Variants in RAB23 observed in about 807,000 individuals in gnomAD.
RAB23 encodes ras-related protein Rab-23.
In RAB23, 15 loss-of-function variants were observed where a neutral mutation model predicts 30.0. The ratio of observed to expected loss-of-function variants is 0.50; its 90% CI spans 0.33 to 0.77. The LOEUF (loss-of-function observed/expected upper bound fraction) is 0.77. RAB23 is among the 30% of genes least tolerant of loss of function. The probability of loss-of-function intolerance (pLI) is 0.02; values close to 1 mark genes in which losing one functional copy is unlikely to be tolerated. For synonymous variants in RAB23, 93 were observed against 94.0 expected (o/e 0.99, Z 0.06); for missense variants, 243 against 275.4 (o/e 0.88, Z 0.83).
rs201731610 is a variant in RAB23 at position 57,193,864 on chromosome 6, C to G, written c.552G>C (p.Thr184=). ...TACCAATCTTGTTACTACTTGAATG[C>G]GTTAGTTCTGGATCCTCAGCTATTT... is the stretch of plus-strand genomic sequence containing the variant. ...KQQIAEDPEL[T]HSSSNKIGVF... The change falls in exon 6 of 7, where the codon ACG becomes ACC. Residue 184 remains threonine, a synonymous_variant. Coordinates refer to ENST00000468148, the MANE Select transcript of RAB23 (RefSeq NM_016277.5). The G allele has an allele frequency of 6.8e-6, 11 of 1,612,632 alleles. No homozygotes were observed. Among genetic ancestry groups the G allele is most frequent in the Non-Finnish European group, 9.3e-6 (11 of 1,179,228 alleles).
At chr6:57,207,182 TC>T (rs1162112925) in intron 3 of RAB23, among the ~76,000 whole-genome samples, 4 of 152,264 alleles carry the variant, frequency 2.6e-5, no homozygotes, top group African/African-American at 9.6e-5. Flanking sequence ...TAGTCATGGT[TC>T]CTTCCTTTCA....
At chr6:57,200,609 G>C (rs1765219164) in intron 3 of RAB23, among the ~76,000 whole-genome samples, 1 of 150,536 alleles carries the variant, frequency 6.6e-6, no homozygotes, top group African/African-American at 2.5e-5. Flanking sequence ...CCTGCAAAAA[G>C]GTGCAGTAGG....
chr6:57,206,304 G>A (rs1003009746), intron 3 of RAB23, among the ~76,000 whole-genome samples: 1 of 152,180 alleles, frequency 6.6e-6, no homozygotes, highest in African/African-American at 2.4e-5. Flanking sequence ...GAACAGAGAA[G>A]CTCTCGATGG....
chr6:57,191,507 T>C (rs1764840273), intron 6 of RAB23, among the ~76,000 whole-genome samples: 1 of 152,130 alleles, frequency 6.6e-6, no homozygotes, highest in Non-Finnish European at 1.5e-5. Context: ...TGGAGTGCAG[T>C]TGTGTGATTT....
chr6:57,192,658 C>T (rs1764882628), intron 6 of RAB23, among the ~76,000 whole-genome samples: 1 of 152,094 alleles, frequency 6.6e-6, no homozygotes, highest in South Asian at 2.1e-4. Flanking sequence ...GAAGCCGAGA[C>T]AGGAGGATCA....
intron 1 of RAB23, among the ~76,000 whole-genome samples, chr6:57,218,703 T>G (rs1442827580): frequency 6.6e-6 from 1 of 151,820 alleles, no homozygotes; most frequent in African/African-American, 2.4e-5. Context: ...ATACAAAAAA[T>G]TAACTGGGTG....
At chr6:57,217,305 A>G (rs893201215) in intron 1 of RAB23, among the ~76,000 whole-genome samples, 41 of 151,834 alleles carry the variant, frequency 2.7e-4, no homozygotes, top group African/African-American at 9.4e-4. Flanking sequence ...GGGAAAATAT[A>G]TTTTATTTTA....
chr6:57,210,125 C>T (rs549521403), intron 2 of RAB23, 101 bp downstream of exon 2: 15 of 1,314,526 alleles, frequency 1.1e-5, no homozygotes, highest in Non-Finnish European at 1.6e-5. Flanking sequence ...CACTAGTTGC[C>T]ACACCTCGAA....
rs1429747525 is a variant in RAB23, at chr6:57,196,331, T to G, written c.398+119A>C. On this transcript the variant is annotated intron_variant, in intron 4 of 6. Coordinates refer to ENST00000468148, the MANE Select transcript of RAB23 (RefSeq NM_016277.5). Reference sequence around the variant, plus strand: ...AGGTAAATTAAAATATTTAAGTCATTAAAGCCTTCAAAATGAAAGTATAGA... The same window carrying G: ...AGGTAAATTAAAATATTTAAGTCATGAAAGCCTTCAAAATGAAAGTATAGA... 3.3e-6 allele frequency: 4 copies of G among 1,207,580 alleles called. No individual in the cohort carries two copies. In the East Asian group the frequency reaches 9.5e-5, roughly 29 times the overall value. 74.8% of individuals were successfully genotyped at this position (1,207,580 alleles called of 1,614,324 possible).
chr6:57,187,741 A>ATGTT lies in RAB23; in HGVS notation c.*2716_*2719dup, dbSNP rs778952906. 2.0e-5 allele frequency: 3 copies of ATGTT among 152,178 alleles called. No individual in the cohort carries two copies. The East Asian group carries it at 5.8e-4, about 29-fold the overall frequency. The allele number at this position is 152,178 out of a possible 1,614,324, so 9.4% of individuals were successfully genotyped here. The stretch of plus-strand genomic sequence containing the variant: ...TAAAACTCACAGGTCCAAGGAGTAC[A>ATGTT]TGTTATTTATTGAGAGTTCCTTCTG... On this transcript the variant is annotated 3_prime_UTR_variant, in exon 7 of 7. Transcript: ENST00000468148.
intron 1 of RAB23, among the ~76,000 whole-genome samples, chr6:57,217,749 AAAG>A (rs952210429): frequency 2.6e-5 from 4 of 152,362 alleles, no homozygotes; most frequent in East Asian, 1.9e-4. Flanking sequence ...AGATACTAAA[AAAG>A]AAGAACAGAA....
At chr6:57,197,070 T>G (rs1443193262) in intron 3 of RAB23, among the ~76,000 whole-genome samples, 2 of 152,212 alleles carry the variant, frequency 1.3e-5, no homozygotes, top group Non-Finnish European at 2.9e-5. Context: ...GTCATTTGCT[T>G]AATTTCTTTC....
rs1458572592 is a variant in RAB23 at position 57,188,407 on chromosome 6, G to A, written c.*2054C>T. The A allele has an allele frequency of 6.6e-6, 1 of 152,140 alleles. No homozygotes were observed. The highest frequency in any genetic ancestry group is 1.5e-5 in the Non-Finnish European group (1 of 68,006). 9.4% of individuals were successfully genotyped at this position (152,140 alleles called of 1,614,324 possible). On this transcript the variant is annotated 3_prime_UTR_variant, in exon 7 of 7. Transcript: ENST00000468148. Reference sequence around the variant, plus strand: ...TACATAAAATTATATTACAGGAACTGTAACTATCCTCAGAGATTACTTTTT... The same window carrying A: ...TACATAAAATTATATTACAGGAACTATAACTATCCTCAGAGATTACTTTTT...
rs759166782 is a variant in RAB23, at chr6:57,190,490, TTC to T, written c.683_684del (p.Arg228LysfsTer4). The T allele has an allele frequency of 6.2e-6, 10 of 1,614,126 alleles. No individual in the cohort carries two copies. Among genetic ancestry groups the T allele is most frequent in the Non-Finnish European group, 8.5e-6 (10 of 1,179,982 alleles). On this transcript the variant is annotated frameshift_variant, in exon 7 of 7. Transcript: ENST00000468148. LOFTEE classifies it high-confidence loss of function. ...GGTATGCTACAGCTGCTAAAAGGAT[TTC>T]TGTTTTTCTTGGTCCTTTGTTTGTT... ...RPNKQRTKKN[R>X]NPFSSCSIP is the part of the protein sequence containing the mutation.
At chr6:57,209,309 A>C (rs1213114833) in intron 2 of RAB23, among the ~76,000 whole-genome samples, 1 of 152,192 alleles carries the variant, frequency 6.6e-6, no homozygotes, top group Non-Finnish European at 1.5e-5. Context: ...AAATATTACC[A>C]AGTGGGTGAA....
At chr6:57,220,954 G>C (rs1026712549) in intron 1 of RAB23, among the ~76,000 whole-genome samples, 9 of 152,000 alleles carry the variant, frequency 5.9e-5, no homozygotes, top group African/African-American at 2.2e-4. Flanking sequence ...AGAAACTATA[G>C]ACTTAAAGCA....
intron 3 of RAB23, among the ~76,000 whole-genome samples, chr6:57,203,600 T>C (rs1316881276): frequency 1.3e-5 from 2 of 152,182 alleles, no homozygotes; most frequent in Admixed American, 6.5e-5. Context: ...AAGGTAGTGG[T>C]AATAACCCCA....
chr6:57,191,092 C>G (rs1764822481), intron 6 of RAB23, among the ~76,000 whole-genome samples: 3 of 152,166 alleles, frequency 2.0e-5, no homozygotes, highest in African/African-American at 4.8e-5. Flanking sequence ...TATGTATATA[C>G]CACATTTTGC....
At chr6:57,190,686 T>C in intron 6 of RAB23, 86 bp from the exon 7 acceptor site, 1 of 1,498,376 alleles carries the variant, frequency 6.7e-7, no homozygotes, top group Non-Finnish European at 9.3e-7. Flanking sequence ...ATCAGTAATA[T>C]TTTCAAGTAT....
Sources: gnomAD v4.1 joint callset for allele counts (sites outside exome capture counted in the v4.1 genomes callset) on GRCh38, gnomAD v4.1.1 for gene constraint, MANE v1.5 for transcripts, NCBI Gene and HGNC (gene_info 2026-07-23, HGNC 2026-07-21) for gene names.